MED15: variants seen among roughly 807,000 people sequenced by gnomAD.
MED15 encodes mediator complex subunit 15.
In MED15, 41 loss-of-function variants were observed where a neutral mutation model predicts 118.7. That is an observed-to-expected ratio of 0.35 (90% CI 0.27 to 0.45). The LOEUF is 0.45. Among genes scored for constraint, MED15 ranks in the 20% least tolerant of loss-of-function variants. The pLI is 1.00. For missense variants in MED15, 740 were observed against 1,025.5 expected (o/e 0.72, Z 3.80); for synonymous variants, 436 against 413.9 (o/e 1.05, Z -0.65).
intron 1 of MED15, among the ~76,000 whole-genome samples, chr22:20,531,766 G>A (rs1453184820): frequency 1.3e-5 from 2 of 152,262 alleles, no homozygotes; most frequent in African/African-American, 2.4e-5. Context: ...TCTGCTCTCA[G>A]GGTGTTCTTA....
intron 8 of MED15, among the ~76,000 whole-genome samples, chr22:20,569,808 C>T (rs1204828364): frequency 5.3e-5 from 8 of 152,110 alleles, no homozygotes; most frequent in Non-Finnish European, 1.2e-4. Context: ...CTGACCACTT[C>T]GTGTGATGAG....
chr22:20,584,301 T>G, intron 13 of MED15, 58 bp from the exon 14 acceptor site: 1 of 1,568,598 alleles, frequency 6.4e-7, no homozygotes, highest in Non-Finnish European at 8.8e-7. Flanking sequence ...GTTGGGATCC[T>G]GAGCCTGAGA....
chr22:20,512,238 C>T (rs1355571435), intron 1 of MED15, among the ~76,000 whole-genome samples: 1 of 152,012 alleles, frequency 6.6e-6, no homozygotes, highest in African/African-American at 2.4e-5. Flanking sequence ...ATCCTCCCTA[C>T]TAGCCTTCCA....
chr22:20,581,227 C>T (rs2056971797), intron 9 of MED15, among the ~76,000 whole-genome samples: 1 of 152,242 alleles, frequency 6.6e-6, no homozygotes, highest in Non-Finnish European at 1.5e-5. Context: ...ACAGAAAGAG[C>T]ATTTCGCTCC....
chr22:20,513,343 G>A (rs1324892926), intron 1 of MED15, among the ~76,000 whole-genome samples: 3 of 149,942 alleles, frequency 2.0e-5, no homozygotes, highest in African/African-American at 7.4e-5. Flanking sequence ...GCATTGGTGC[G>A]ATCTCAGCTC....
chr22:20,555,437 A>G (rs745575211), intron 5 of MED15, among the ~76,000 whole-genome samples: 10 of 152,140 alleles, frequency 6.6e-5, no homozygotes, highest in African/African-American at 2.4e-4. Flanking sequence ...GCTGAAATAG[A>G]TACAGTGTGT....
intron 2 of MED15, among the ~76,000 whole-genome samples, chr22:20,542,736 A>C (rs1367977362): frequency 6.6e-6 from 1 of 152,020 alleles, no homozygotes; most frequent in Non-Finnish European, 1.5e-5. Context: ...TAAACTTTCT[A>C]CTCCAAGCTG....
At chr22:20,546,979 A>G (rs1007146491) in intron 2 of MED15, among the ~76,000 whole-genome samples, 8 of 152,232 alleles carry the variant, frequency 5.3e-5, no homozygotes, top group Non-Finnish European at 1.2e-4. Flanking sequence ...AATAACAGCA[A>G]CAACAAAAAC....
At chr22:20,551,402 C>G in intron 2 of MED15, 34 bp from the exon 3 acceptor site, 1 of 1,600,596 alleles carries the variant, frequency 6.2e-7, no homozygotes, top group Non-Finnish European at 8.6e-7. Context: ...GCTTCTTCAT[C>G]TGGTATTAAA....
chr22:20,535,387 A>G (rs2146436162), intron 1 of MED15, among the ~76,000 whole-genome samples: 1 of 152,240 alleles, frequency 6.6e-6, no homozygotes, highest in South Asian at 2.1e-4. Context: ...AATCACAGTC[A>G]TATTGCTGTA....
rs147106734 is a variant in MED15, at chr22:20,585,496, TTTGC to T, written c.2132-227_2132-224del. 1,167 of 715,806 alleles carry T rather than the reference TTTGC, an allele frequency of 1.6e-3. 10 individuals carry two copies. The African/African-American group carries it at 0.019, about 11-fold the overall frequency. 44.3% of individuals were successfully genotyped at this position (715,806 alleles called of 1,614,324 possible). ...CTCACCTCCCCAACACAGATGTGGC[TTTGC>T]TTGCCTGGGCCCTAGGGAGGTGGTA... On this transcript the variant is annotated intron_variant, in intron 16 of 17. Coordinates refer to ENST00000263205, the MANE Select transcript of MED15 (RefSeq NM_001003891.3).
rs1415840904 is a variant in MED15, at chr22:20,582,685, C to T, written c.1347C>T (p.Pro449=). The T allele has an allele frequency of 6.3e-7, 1 of 1,597,780 alleles. No homozygotes were observed. Among genetic ancestry groups the T allele is most frequent in the Non-Finnish European group, 8.5e-7 (1 of 1,178,332 alleles). ...AGGTGCAGACCCCGCAGTCGATGCCCCCTCCCCCCCAGCCGTCCCCGCAGC... is the reference window on the plus strand; with the variant it reads ...AGGTGCAGACCCCGCAGTCGATGCCTCCTCCCCCCCAGCCGTCCCCGCAGC... ...GQQVQTPQSM[P]PPPQPSPQPG... The change falls in exon 10 of 18, where the codon CCC becomes CCT. Residue 449 remains proline (P), a synonymous_variant. Transcript: ENST00000263205.
intron 2 of MED15, among the ~76,000 whole-genome samples, chr22:20,545,076 A>G (rs114481046): frequency 0.03 from 4,602 of 152,268 alleles, 237 homozygotes; most frequent in African/African-American, 0.1. Flanking sequence ...GTTCCAGGGA[A>G]TAGGACCTGA....
intron 3 of MED15, chr22:20,552,789 G>T (rs916768446): frequency 1.0e-5 from 3 of 293,822 alleles, no homozygotes; most frequent in Non-Finnish European, 2.0e-5. Flanking sequence ...GCCCCGCCGT[G>T]GGTTCCTGTA....
chr22:20,560,487 T>C, intron 5 of MED15, among the ~76,000 whole-genome samples: 2 of 152,268 alleles, frequency 1.3e-5, no homozygotes, highest in Middle Eastern at 6.8e-3. Context: ...ATGTTCTCGA[T>C]CTCCAGACCT....
intron 16 of MED15, 143 bp downstream of exon 16, chr22:20,585,410 ACAC>A: frequency 8.9e-7 from 1 of 1,126,366 alleles, no homozygotes; most frequent in Non-Finnish European, 1.3e-6. Context: ...CTATCCTCAC[ACAC>A]ACCGGGCTCC....
intron 8 of MED15, among the ~76,000 whole-genome samples, chr22:20,571,395 T>C (rs1214499222): frequency 6.6e-6 from 1 of 152,192 alleles, no homozygotes; most frequent in African/African-American, 2.4e-5. Flanking sequence ...AGTTTGATGT[T>C]TTAAGGATCA....
chr22:20,569,805 CT>C (rs1291881311), intron 8 of MED15, among the ~76,000 whole-genome samples: 1 of 152,142 alleles, frequency 6.6e-6, no homozygotes, highest in Admixed American at 6.5e-5. Context: ...AGGCTGACCA[CT>C]TCGTGTGATG....
chr22:20,551,575 C>A, intron 3 of MED15, 88 bp downstream of exon 3: 1 of 1,279,730 alleles, frequency 7.8e-7, no homozygotes, highest in Non-Finnish European at 1.1e-6. Flanking sequence ...CTGGGCAGGC[C>A]GTGGTGCCTG....
Sources: gnomAD v4.1 joint callset for allele counts (sites outside exome capture counted in the v4.1 genomes callset) on GRCh38, gnomAD v4.1.1 for gene constraint, MANE v1.5 for transcripts, NCBI Gene and HGNC (gene_info 2026-07-23, HGNC 2026-07-21) for gene names.